Variants in CD109 observed in about 807,000 individuals in gnomAD.
CD109 encodes CD109 antigen.
In CD109, 149 loss-of-function variants were observed where a neutral mutation model predicts 165.8. That is an observed-to-expected ratio of 0.90 (90% CI 0.79 to 1.03). The LOEUF (loss-of-function observed/expected upper bound fraction) is 1.03. CD109 is among the 50% of genes least tolerant of loss of function. CD109 has a pLI of 0.00. For missense variants in CD109, 1,712 were observed against 1,677.8 expected (o/e 1.02, Z -0.36); for synonymous variants, 585 against 592.1 (o/e 0.99, Z 0.18).
At chr6:73,817,989 G>A (rs930788258) in intron 30 of CD109, among the ~76,000 whole-genome samples, 1 of 152,146 alleles carries the variant, frequency 6.6e-6, no homozygotes, top group African/African-American at 2.4e-5. Context: ...TCAGGGCCTG[G>A]CTTTCAGCTT....
chr6:73,696,389 A>C, intron 1 of CD109, 100 bp downstream of exon 1: 7 of 1,027,140 alleles, frequency 6.8e-6, no homozygotes, highest in Non-Finnish European at 9.1e-6. Flanking sequence ...GCTGTGCAGC[A>C]GCGGGTGGGA....
At chr6:73,705,233 A>G (rs1029361215) in intron 2 of CD109, among the ~76,000 whole-genome samples, 6 of 152,228 alleles carry the variant, frequency 3.9e-5, no homozygotes, top group African/African-American at 1.4e-4. Flanking sequence ...TTATTTTCAT[A>G]GAGGCAGACA....
At position 73,736,513 on chromosome 6, in the gene CD109, G is replaced by A; in HGVS notation, c.633+5G>A. Reference sequence around the variant, plus strand: ...TCTATTCAAGTTCAAGTGAATGTGAGTATAAATATATTTTTTGGGGGGAAT... The same window carrying A: ...TCTATTCAAGTTCAAGTGAATGTGAATATAAATATATTTTTTGGGGGGAAT... On this transcript the variant is annotated splice_donor_5th_base_variant and intron_variant, in intron 5 of 32. Transcript: ENST00000287097. The A allele has an allele frequency of 1.2e-6, 2 of 1,603,530 alleles. No individual in the cohort carries two copies. The highest frequency in any genetic ancestry group is 1.7e-6 in the Non-Finnish European group (2 of 1,175,924).
intron 20 of CD109, 58 bp from the exon 21 acceptor site, chr6:73,787,176 A>T (rs1774727984): frequency 2.8e-6 from 3 of 1,090,336 alleles, no homozygotes; most frequent in Non-Finnish European, 4.0e-6. Flanking sequence ...GTGATAAAAG[A>T]GCACTTTACT....
At chr6:73,791,659 C>T (rs1472767419) in intron 22 of CD109, among the ~76,000 whole-genome samples, 1 of 151,944 alleles carries the variant, frequency 6.6e-6, no homozygotes, top group Non-Finnish European at 1.5e-5. Context: ...ATTTTGTATC[C>T]CAGAATGTAC....
rs1562052974 is a variant in CD109 at position 73,763,523 on chromosome 6, GC to G, written c.998-52del. On this transcript the variant is annotated intron_variant, in intron 9 of 32. Transcript: ENST00000287097. ...AGATGGAGAGATTTGGTGGATAGAA[GC>G]TTTGGGTGAAACATTACTTTTGCTT... The G allele has an allele frequency of 1.3e-5, 13 of 1,022,850 alleles. No homozygotes were observed. In the African/African-American group the frequency reaches 1.6e-4, roughly 13 times the overall value. 63.4% of individuals were successfully genotyped at this position (1,022,850 alleles called of 1,614,324 possible).
At chr6:73,789,707 G>T (rs1023528169) in intron 22 of CD109, among the ~76,000 whole-genome samples, 2 of 150,302 alleles carry the variant, frequency 1.3e-5, no homozygotes, top group African/African-American at 4.9e-5. Flanking sequence ...TGATCCACCC[G>T]CCTCGGCCTC....
At position 73,811,057 on chromosome 6, in the gene CD109, T is replaced by C; in HGVS notation, c.3612T>C (p.Asn1204=). The C allele has an allele frequency of 6.2e-7, 1 of 1,613,420 alleles. No individual in the cohort carries two copies. Among genetic ancestry groups the C allele is most frequent in the Non-Finnish European group, 8.5e-7 (1 of 1,179,556 alleles). Residue 1204 remains asparagine (N), a synonymous_variant, in exon 28 of 33, where the codon AAT becomes AAC. Coordinates refer to ENST00000287097, the MANE Select transcript of CD109 (RefSeq NM_133493.5). The part of the protein sequence containing the change: ...FAALMNTERT[N]IQVTVTGPSS... ...CCCTAATGAATACAGAAAGGACAAA[T>C]ATCCAAGTGACCGTGACGGGGCCTA...
chr6:73,718,839 A>G (rs1771840110), intron 2 of CD109, among the ~76,000 whole-genome samples: 1 of 152,128 alleles, frequency 6.6e-6, no homozygotes, highest in African/African-American at 2.4e-5. Context: ...TATTTTATTC[A>G]TATAACTAAA....
At chr6:73,690,296 T>G in the CD109 span, among the ~76,000 whole-genome samples, 1 of 152,248 alleles carries the variant, frequency 6.6e-6, no homozygotes, top group Non-Finnish European at 1.5e-5. Flanking sequence ...CTTCCTAAAG[T>G]AACTTCCTAA....
chr6:73,740,603 C>CTTTTT (rs776790429), intron 5 of CD109, among the ~76,000 whole-genome samples: 1 of 111,946 alleles, frequency 8.9e-6, no homozygotes, highest in Non-Finnish European at 1.9e-5. Context: ...TTCTTTCTTT[C>CTTTTT]TTTTTTTTTT....
intron 14 of CD109, among the ~76,000 whole-genome samples, chr6:73,771,124 G>T (rs138004810): frequency 6.6e-6 from 1 of 152,192 alleles, no homozygotes; most frequent in Non-Finnish European, 1.5e-5. Flanking sequence ...GCTAGACACT[G>T]CTGTCTTCTA....
At chr6:73,792,015 C>G (rs955400216) in intron 22 of CD109, among the ~76,000 whole-genome samples, 12 of 152,154 alleles carry the variant, frequency 7.9e-5, no homozygotes, top group African/African-American at 2.2e-4. Flanking sequence ...GCTACTTTCC[C>G]TGAGTTGTGG....
At chr6:73,795,699 G>C (rs549204291) in intron 23 of CD109, among the ~76,000 whole-genome samples, 2 of 152,168 alleles carry the variant, frequency 1.3e-5, no homozygotes, top group African/African-American at 4.8e-5. Flanking sequence ...TTTCCCCTTG[G>C]GAGGAAGTAG....
In CD109 at chr6:73,808,088, C is replaced by CTA; in HGVS notation, c.3195_3196insTA (p.Ile1066Ter). On this transcript the variant is annotated frameshift_variant, in exon 26 of 33. Transcript: ENST00000287097. LOFTEE classifies it high-confidence loss of function. The stretch of plus-strand genomic sequence containing the variant: ...CATACTTTTTTTCTTCCAAGCCTAA[C>CTA]ATTGATGTGCAAGAGTCTATCCATT... 1.2e-6 allele frequency: 2 copies of CTA among 1,612,598 alleles called. No individual in the cohort carries two copies. The highest frequency in any genetic ancestry group is 1.7e-6 in the Non-Finnish European group (2 of 1,179,290).
chr6:73,708,268 G>C (rs904832331), intron 2 of CD109, among the ~76,000 whole-genome samples: 1 of 151,840 alleles, frequency 6.6e-6, no homozygotes, highest in Non-Finnish European at 1.5e-5. Flanking sequence ...TTGTCCTTGC[G>C]ATAGTTTGCT....
At chr6:73,737,054 G>T (rs1392226037) in intron 5 of CD109, among the ~76,000 whole-genome samples, 9 of 152,024 alleles carry the variant, frequency 5.9e-5, no homozygotes, top group Non-Finnish European at 1.3e-4. Context: ...CTAAATGGGG[G>T]GCATTCATTG....
chr6:73,781,747 G>C (rs1392616898), intron 17 of CD109, among the ~76,000 whole-genome samples: 1 of 97,296 alleles, frequency 1.0e-5, no homozygotes, highest in African/African-American at 5.3e-5. Context: ...AAGTATTCTG[G>C]TACACACACA....
At chr6:73,701,558 A>G (rs1486658178) in intron 2 of CD109, among the ~76,000 whole-genome samples, 1 of 152,158 alleles carries the variant, frequency 6.6e-6, no homozygotes, top group Admixed American at 6.5e-5. Flanking sequence ...GAACATTTTG[A>G]GAACTGTCCT....
Sources: allele counts gnomAD v4.1 joint callset (sites outside exome capture counted in the v4.1 genomes callset), GRCh38; gene constraint gnomAD v4.1.1; transcripts MANE v1.5; gene names NCBI Gene and HGNC (gene_info 2026-07-23, HGNC 2026-07-21).